Variants in RIMS2 observed in about 807,000 individuals in gnomAD.
RIMS2 encodes regulating synaptic membrane exocytosis protein 2.
In RIMS2, 59 loss-of-function variants were observed where a neutral mutation model predicts 174.4. The observed-to-expected ratio is 0.34, with a 90% CI of 0.27 to 0.42. The LOEUF is 0.42. Among genes scored for constraint, RIMS2 ranks in the 10% least tolerant of loss-of-function variants. RIMS2 has a pLI of 1.00. For synonymous variants in RIMS2, 606 were observed against 572.5 expected (o/e 1.06, Z -0.84); for missense variants, 1,620 against 1,666.3 (o/e 0.97, Z 0.48).
chr8:104,021,885 T>C (rs2096104444), intron 19 of RIMS2, among the ~76,000 whole-genome samples: 1 of 152,066 alleles, frequency 6.6e-6, no homozygotes, highest in African/African-American at 2.4e-5. Context: ...GATAGTTTGG[T>C]GGGCATGGAG....
intron 1 of RIMS2, among the ~76,000 whole-genome samples, chr8:103,574,557 T>A (rs2093070823): frequency 1.3e-5 from 2 of 152,246 alleles, no homozygotes; most frequent in African/African-American, 2.4e-5. Flanking sequence ...TCATTCTCTG[T>A]CTATAATGTT....
intron 16 of RIMS2, among the ~76,000 whole-genome samples, chr8:103,981,537 A>G: frequency 6.6e-6 from 1 of 152,170 alleles, no homozygotes; most frequent in East Asian, 1.9e-4. Context: ...CACCAAATGA[A>G]CTAAATAAGG....
At chr8:104,161,179 ATAT>A (rs1276331141) in intron 19 of RIMS2, among the ~76,000 whole-genome samples, 2 of 152,114 alleles carry the variant, frequency 1.3e-5, no homozygotes, top group Non-Finnish European at 2.9e-5. Context: ...GTTATCATTA[ATAT>A]TATTATTATA....
chr8:104,190,815 A>G (rs903210478), intron 19 of RIMS2, among the ~76,000 whole-genome samples: 1 of 152,170 alleles, frequency 6.6e-6, no homozygotes, highest in African/African-American at 2.4e-5. Flanking sequence ...AATAAGAAAG[A>G]TATAATTGCT....
At chr8:103,601,299 C>T (rs2094725305) in intron 1 of RIMS2, among the ~76,000 whole-genome samples, 1 of 151,778 alleles carries the variant, frequency 6.6e-6, no homozygotes, top group South Asian at 2.1e-4. Flanking sequence ...TTATTTGGGC[C>T]TCTCTCTCTC....
At chr8:103,756,710 C>T (rs1354575135) in intron 2 of RIMS2, among the ~76,000 whole-genome samples, 2 of 152,016 alleles carry the variant, frequency 1.3e-5, no homozygotes, top group Admixed American at 6.6e-5. Context: ...TAGGCATAGC[C>T]ATTGTGCCCA....
At chr8:104,122,519 T>G (rs969863085) in intron 19 of RIMS2, among the ~76,000 whole-genome samples, 4 of 152,108 alleles carry the variant, frequency 2.6e-5, no homozygotes, top group Non-Finnish European at 5.9e-5. Flanking sequence ...GCTCCTATTT[T>G]GGGTAACTAT....
intron 1 of RIMS2, among the ~76,000 whole-genome samples, chr8:103,585,503 C>T (rs907554830): frequency 1.3e-5 from 2 of 152,084 alleles, no homozygotes; most frequent in African/African-American, 4.8e-5. Context: ...CAATGATACA[C>T]TGGATAAAGA....
intron 3 of RIMS2, among the ~76,000 whole-genome samples, chr8:103,798,823 A>T (rs2098578797): frequency 6.6e-6 from 1 of 152,060 alleles, no homozygotes; most frequent in African/African-American, 2.4e-5. Context: ...CTTTGCAGAC[A>T]TGATTAAGGT....
chr8:104,060,438 C>T (rs569182340), intron 19 of RIMS2, among the ~76,000 whole-genome samples: 5 of 151,942 alleles, frequency 3.3e-5, no homozygotes, highest in East Asian at 3.9e-4. Flanking sequence ...ATTTTTATTG[C>T]GTCTATTTGA....
At chr8:103,831,281 G>T (rs1437581935) in intron 3 of RIMS2, among the ~76,000 whole-genome samples, 1 of 152,154 alleles carries the variant, frequency 6.6e-6, no homozygotes, top group Non-Finnish European at 1.5e-5. Flanking sequence ...AATAGTCAAT[G>T]ATTTTTTAAA....
At chr8:103,879,734 C>A (rs10111252) in intron 3 of RIMS2, among the ~76,000 whole-genome samples, 1,772 of 151,646 alleles carry the variant, frequency 0.012, 34 homozygotes, top group African/African-American at 0.039. Flanking sequence ...AAAAACAGCA[C>A]AGCACTTTTT....
intron 3 of RIMS2, among the ~76,000 whole-genome samples, chr8:103,828,942 A>G (rs757800138): frequency 7.9e-5 from 12 of 152,168 alleles, no homozygotes; most frequent in Non-Finnish European, 1.6e-4. Context: ...TTTTTGTACC[A>G]GTACCATGTT....
intron 20 of RIMS2, among the ~76,000 whole-genome samples, chr8:104,247,818 G>A (rs888957000): frequency 2.0e-5 from 3 of 152,190 alleles, no homozygotes; most frequent in Admixed American, 6.5e-5. Flanking sequence ...GTGGCCCAAG[G>A]GAGAGATCCA....
chr8:104,082,889 TTG>T (rs965350324), intron 19 of RIMS2, among the ~76,000 whole-genome samples: 1 of 152,022 alleles, frequency 6.6e-6, no homozygotes. Context: ...ATGAACAAAT[TTG>T]TGCTTTTAGA....
intron 19 of RIMS2, among the ~76,000 whole-genome samples, chr8:104,155,076 G>C (rs1284941296): frequency 1.3e-5 from 2 of 151,870 alleles, no homozygotes; most frequent in Admixed American, 1.3e-4. Flanking sequence ...CCTTTCTGGG[G>C]GTGTTAGTTT....
At chr8:104,108,763 T>C (rs2131589790) in intron 19 of RIMS2, among the ~76,000 whole-genome samples, 1 of 152,338 alleles carries the variant, frequency 6.6e-6, no homozygotes, top group East Asian at 1.9e-4. Flanking sequence ...TATAGTTGTC[T>C]GAAGACCACT....
intron 3 of RIMS2, among the ~76,000 whole-genome samples, chr8:103,776,522 A>G (rs1232606330): frequency 6.6e-6 from 1 of 152,094 alleles, no homozygotes; most frequent in African/African-American, 2.4e-5. Context: ...TTTGTCATTT[A>G]TTGTATAGTG....
intron 3 of RIMS2, chr8:103,819,556 T>A (rs2098738611): frequency 8.1e-6 from 13 of 1,613,626 alleles, no homozygotes; most frequent in Non-Finnish European, 1.1e-5. Flanking sequence ...TTTATCTCAT[T>A]TTCATGGGGT....
Sources: gnomAD v4.1 joint callset for allele counts (sites outside exome capture counted in the v4.1 genomes callset) on GRCh38, gnomAD v4.1.1 for gene constraint, MANE v1.5 for transcripts, NCBI Gene and HGNC (gene_info 2026-07-23, HGNC 2026-07-21) for gene names.